Variants in MACROH2A2 observed in about 807,000 individuals in gnomAD.
The protein encoded by MACROH2A2 is core histone macro-H2A.2.
In MACROH2A2, 6 loss-of-function variants were observed where a neutral mutation model predicts 37.6. The ratio of observed to expected loss-of-function variants is 0.16; its 90% confidence interval spans 0.09 to 0.32. The LOEUF (loss-of-function observed/expected upper bound fraction) is 0.32. MACROH2A2 is among the 10% of genes least tolerant of loss of function. The pLI is 1.00. For missense variants in MACROH2A2, 290 were observed against 485.9 expected (o/e 0.60, Z 3.79); for synonymous variants, 192 against 202.7 (o/e 0.95, Z 0.45).
intron 5 of MACROH2A2, among the ~76,000 whole-genome samples, chr10:70,094,580 C>G (rs2072263943): frequency 6.6e-6 from 1 of 152,178 alleles, no homozygotes; most frequent in South Asian, 2.1e-4. Context: ...AGAGTATGTT[C>G]TAAGAAGAGC....
intron 2 of MACROH2A2, among the ~76,000 whole-genome samples, chr10:70,086,869 G>A (rs920344355): frequency 6.6e-6 from 1 of 152,150 alleles, no homozygotes; most frequent in Admixed American, 6.5e-5. Context: ...GTGCACAATG[G>A]AGAGCTGCAC....
At chr10:70,097,334 T>A (rs2072281874) in intron 6 of MACROH2A2, among the ~76,000 whole-genome samples, 1 of 152,174 alleles carries the variant, frequency 6.6e-6, no homozygotes, top group Non-Finnish European at 1.5e-5. Context: ...ATAGTACCTG[T>A]CCCATAGGGG....
At chr10:70,093,882 C>A in intron 5 of MACROH2A2, 37 bp downstream of exon 5, 1 of 1,090,964 alleles carries the variant, frequency 9.2e-7, no homozygotes, top group South Asian at 1.3e-5. Context: ...TATTAAAACA[C>A]CACTGTATTT....
At position 70,053,041 on chromosome 10, in the gene MACROH2A2, C is replaced by T. The variant is rs951859535; in HGVS notation, c.-60+41C>T. 11 of 152,322 alleles carry T rather than the reference C, an allele frequency of 7.2e-5. No individual in the cohort carries two copies. Among genetic ancestry groups the T allele is most frequent in the African/African-American group, 2.4e-4 (10 of 41,460 alleles). 9.4% of individuals were successfully genotyped at this position (152,322 alleles called of 1,614,324 possible). ...CGATGGCATTATTGTTTAGGGTGCT[C>T]CGGGGTCTGGAAACAAAACGCGCCG... On this transcript the variant is annotated intron_variant, in intron 1 of 8. Coordinates refer to ENST00000373255, the MANE Select transcript of MACROH2A2 (RefSeq NM_018649.3). The surrounding 1 kb of genome is among the most constrained non-coding windows in gnomAD (Gnocchi z 4.8).
chr10:70,107,593 G>C lies in MACROH2A2; in HGVS notation c.779-1440G>C, dbSNP rs1405301697. Among the ~76,000 whole-genome samples, 3 of 152,202 alleles carry C rather than the reference G, an allele frequency of 2.0e-5. No homozygotes were observed. The highest frequency in any genetic ancestry group is 4.4e-5 in the Non-Finnish European group (3 of 68,022). On this transcript the variant is annotated intron_variant, in intron 7 of 8. Coordinates refer to ENST00000373255, the MANE Select transcript of MACROH2A2 (RefSeq NM_018649.3). The surrounding 1 kb of genome is among the most constrained non-coding windows in gnomAD (Gnocchi z 4.4). ...CCCACAGGGACTTCCCTCGAGCTTA[G>C]CAGCCACGGGGCTTTATCAACTCTG...
chr10:70,109,098 G>A lies in MACROH2A2; in HGVS notation c.844G>A (p.Gly282Ser). 2.5e-6 allele frequency: 4 copies of A among 1,613,980 alleles called. No homozygotes were observed. The highest frequency in any genetic ancestry group is 3.4e-6 in the Non-Finnish European group (4 of 1,179,838). Reference protein sequence around the residue: ...FVIHCHIPQWGSDKCEEQLEE... With the variant: ...FVIHCHIPQWSSDKCEEQLEE... The stretch of plus-strand genomic sequence containing the variant: ...CATCCACTGTCACATCCCTCAGTGG[G>A]GCTCCGACAAATGTGAAGAACAGCT... The change falls in exon 8 of 9, where the codon GGC becomes AGC. Residue 282 changes from glycine to serine, a missense_variant. This residue lies in a region of MACROH2A2 where 130 missense variants were observed against 257.1 expected (regional missense o/e 0.51). Transcript: ENST00000373255.
chr10:70,068,799 T>G (rs1179505854), intron 1 of MACROH2A2, among the ~76,000 whole-genome samples: 1 of 152,228 alleles, frequency 6.6e-6, no homozygotes, highest in Non-Finnish European at 1.5e-5. Flanking sequence ...ATTGCCCCAG[T>G]GTACCCTGGT....
intron 1 of MACROH2A2, among the ~76,000 whole-genome samples, chr10:70,059,462 T>C (rs572573728): frequency 6.6e-6 from 1 of 151,518 alleles, no homozygotes; most frequent in African/African-American, 2.4e-5. Context: ...AACCTCTGCC[T>C]CCTAGGTTCA....
chr10:70,060,153 T>C (rs2072042475), intron 1 of MACROH2A2, among the ~76,000 whole-genome samples: 1 of 152,040 alleles, frequency 6.6e-6, no homozygotes, highest in Non-Finnish European at 1.5e-5. Context: ...GCGGATCACT[T>C]GAGGTCAGGA....
At chr10:70,105,713 T>C (rs2072333598) in intron 7 of MACROH2A2, among the ~76,000 whole-genome samples, 1 of 142,842 alleles carries the variant, frequency 7.0e-6, no homozygotes, top group Non-Finnish European at 1.5e-5. Context: ...CCGAAGACCA[T>C]CAAGAAAGCT....
intron 8 of MACROH2A2, 64 bp downstream of exon 8, chr10:70,109,271 A>T: frequency 1.5e-6 from 2 of 1,371,854 alleles, no homozygotes; most frequent in Non-Finnish European, 2.1e-6. Flanking sequence ...CTGCTCCCCC[A>T]CTTACATCTG....
intron 6 of MACROH2A2, among the ~76,000 whole-genome samples, chr10:70,097,206 G>A (rs746388694): frequency 2.6e-4 from 40 of 152,260 alleles, no homozygotes; most frequent in Non-Finnish European, 5.3e-4. Context: ...AAGAGGGCAG[G>A]TTCCAGGTCG....
At position 70,053,082 on chromosome 10, in the gene MACROH2A2, G is replaced by C. The variant is rs1646730248; in HGVS notation, c.-60+82G>C. On this transcript the variant is annotated intron_variant, in intron 1 of 8. Coordinates refer to ENST00000373255, the MANE Select transcript of MACROH2A2 (RefSeq NM_018649.3). The surrounding 1 kb of genome is among the most constrained non-coding windows in gnomAD (Gnocchi z 4.8). ...AAACGCGCCGCCGGGGCAGTGCAGG[G>C]GCCGGAGAGAACCACCTCTGCCTCT... 6.6e-6 allele frequency: 1 copy of C among 152,302 alleles called. No individual in the cohort carries two copies. Among genetic ancestry groups the C allele is most frequent in the African/African-American group, 2.4e-5 (1 of 41,444 alleles). 9.4% of individuals were successfully genotyped at this position (152,302 alleles called of 1,614,324 possible).
intron 1 of MACROH2A2, among the ~76,000 whole-genome samples, chr10:70,072,258 A>C (rs974778710): frequency 6.6e-6 from 1 of 151,936 alleles, no homozygotes; most frequent in Admixed American, 6.6e-5. Flanking sequence ...TTTTCTATTA[A>C]AATTTTTTTT....
Position 70,083,412 on chromosome 10 carries a change from C to G in MACROH2A2, c.173-6648C>G, listed in dbSNP as rs143143348. ...TTCACCCCCACATGAACTGGATTCT[C>G]CTGCTGATGTCCTGGGGGCCAATGA... On this transcript the variant is annotated intron_variant, in intron 2 of 8. Coordinates refer to ENST00000373255, the MANE Select transcript of MACROH2A2 (RefSeq NM_018649.3). Among the ~76,000 whole-genome samples the G allele has an allele frequency of 2.4e-4, 37 of 152,338 alleles. No individual in the cohort carries two copies. In the East Asian group the frequency reaches 5.0e-3, roughly 21 times the overall value.
Position 70,109,214 on chromosome 10 carries a change from T to TG in MACROH2A2, c.953+8dup. On this transcript the variant is annotated splice_region_variant and intron_variant, in intron 8 of 8. Transcript: ENST00000373255. ...CGCCTTTCCCCAGCGGCAGGTAAGA[T>TG]GCAGTTCCCCTGAGTTGATTCCTCC... 6.2e-7 allele frequency: 1 copy of TG among 1,612,024 alleles called. No individual in the cohort carries two copies. The highest frequency in any genetic ancestry group is 8.5e-7 in the Non-Finnish European group (1 of 1,178,580).
intron 7 of MACROH2A2, among the ~76,000 whole-genome samples, chr10:70,106,248 T>C (rs893978072): frequency 1.3e-5 from 2 of 152,210 alleles, no homozygotes; most frequent in African/African-American, 4.8e-5. Context: ...AACATCACAT[T>C]AGGTAAGAGA....
At chr10:70,110,902 A>G (rs1299447946) in intron 8 of MACROH2A2, among the ~76,000 whole-genome samples, 2 of 151,970 alleles carry the variant, frequency 1.3e-5, no homozygotes, top group Admixed American at 1.3e-4. Flanking sequence ...AAAAAAACTA[A>G]TTTAAAAAAA....
chr10:70,091,355 C>T (rs1183114303), intron 3 of MACROH2A2, among the ~76,000 whole-genome samples: 2 of 152,200 alleles, frequency 1.3e-5, no homozygotes, highest in East Asian at 1.9e-4. Context: ...TTTAGGAAAG[C>T]GGAGGCCACA....
Sources: gnomAD v4.1 joint callset for allele counts (sites outside exome capture counted in the v4.1 genomes callset) on GRCh38, gnomAD v4.1.1 for gene constraint, gnomAD v4.1.1 regional missense constraint, Gnocchi (gnomAD v3.1) non-coding constraint, MANE v1.5 for transcripts, NCBI Gene and HGNC (gene_info 2026-07-23, HGNC 2026-07-21) for gene names.